HECW2: variants seen among roughly 807,000 people sequenced by gnomAD.
HECW2 encodes E3 ubiquitin-protein ligase HECW2.
HECW2 carries 61 observed loss-of-function variants against 175.2 expected under a neutral mutation model. The ratio of observed to expected loss-of-function variants is 0.35; its 90% CI spans 0.28 to 0.43. HECW2 has a LOEUF of 0.43. Ranked by LOEUF, HECW2 falls within the 20% of genes least tolerant of loss-of-function variation. The pLI, the probability that HECW2 is intolerant of heterozygous loss-of-function variation, is 1.00. For missense variants in HECW2, 1,524 were observed against 2,000.5 expected, an observed-to-expected ratio of 0.76 and a Z score of 4.54; for synonymous variants, 671 against 731.0, an observed-to-expected ratio of 0.92 and a Z score of 1.32.
At chr2:196,401,979 T>A (rs1210283485) in intron 2 of HECW2, among the ~76,000 whole-genome samples, 1 of 151,740 alleles carries the variant, frequency 6.6e-6, no homozygotes, top group East Asian at 1.9e-4. Context: ...GGCGGGCGGA[T>A]CACAAGGTCA....
chr2:196,225,184 T>C (rs144031406), intron 23 of HECW2, among the ~76,000 whole-genome samples: 1 of 152,334 alleles, frequency 6.6e-6, no homozygotes, highest in Non-Finnish European at 1.5e-5. Flanking sequence ...CAATCTTTCA[T>C]TAACAATGAA....
intron 2 of HECW2, among the ~76,000 whole-genome samples, chr2:196,351,277 C>T (rs1693162353): frequency 1.3e-5 from 2 of 151,794 alleles, no homozygotes; most frequent in Non-Finnish European, 1.5e-5. Flanking sequence ...TAATATTCCA[C>T]ACACAGAGAT....
At chr2:196,272,577 T>A (rs1457970994) in intron 16 of HECW2, among the ~76,000 whole-genome samples, 1 of 152,162 alleles carries the variant, frequency 6.6e-6, no homozygotes, top group East Asian at 1.9e-4. Flanking sequence ...AGAAGTATAA[T>A]AATTCTGTAG....
chr2:196,425,362 G>C (rs1448347900), intron 2 of HECW2, among the ~76,000 whole-genome samples: 1 of 152,028 alleles, frequency 6.6e-6, no homozygotes, highest in Non-Finnish European at 1.5e-5. Context: ...TGAATTTCAA[G>C]TCTTATTATT....
intron 10 of HECW2, among the ~76,000 whole-genome samples, chr2:196,309,365 ATGC>A (rs1300889105): frequency 6.6e-6 from 1 of 152,210 alleles, no homozygotes; most frequent in East Asian, 1.9e-4. Context: ...AAACAACTCA[ATGC>A]CATTCATGTT....
chr2:196,264,963 T>C (rs1689451425), intron 17 of HECW2, among the ~76,000 whole-genome samples: 3 of 152,206 alleles, frequency 2.0e-5, no homozygotes, highest in Admixed American at 2.0e-4. Flanking sequence ...TATTTTAATA[T>C]ACCTTTGGAT....
chr2:196,379,727 GAC>G (rs1694156239), intron 2 of HECW2, among the ~76,000 whole-genome samples: 3 of 150,232 alleles, frequency 2.0e-5, no homozygotes, highest in Middle Eastern at 3.5e-3. Context: ...GCACCTTAAG[GAC>G]TTTCCTAAAT....
chr2:196,434,323 C>T (rs1438034823), intron 1 of HECW2, among the ~76,000 whole-genome samples: 2 of 152,086 alleles, frequency 1.3e-5, no homozygotes, highest in Non-Finnish European at 2.9e-5. Flanking sequence ...CTGAGCCTGC[C>T]CCTTGCCATC....
chr2:196,233,949 C>G (rs570062886), intron 21 of HECW2, among the ~76,000 whole-genome samples: 1 of 152,126 alleles, frequency 6.6e-6, no homozygotes, highest in Non-Finnish European at 1.5e-5. Context: ...CTTTCATTTG[C>G]CTGTCTCAGG....
At chr2:196,422,731 T>A (rs1424905110) in intron 2 of HECW2, among the ~76,000 whole-genome samples, 1 of 152,178 alleles carries the variant, frequency 6.6e-6, no homozygotes, top group African/African-American at 2.4e-5. Flanking sequence ...AAGCTCTTAC[T>A]TTCTAAGAGC....
At chr2:196,435,709 C>A (rs1424176162) in intron 1 of HECW2, among the ~76,000 whole-genome samples, 1 of 152,214 alleles carries the variant, frequency 6.6e-6, no homozygotes, top group African/African-American at 2.4e-5. Context: ...TCGGTTATAT[C>A]TTTACTTTCT....
intron 10 of HECW2, among the ~76,000 whole-genome samples, chr2:196,310,147 T>A (rs1344900347): frequency 6.6e-6 from 1 of 152,234 alleles, no homozygotes; most frequent in Non-Finnish European, 1.5e-5. Context: ...ATGATTCTTG[T>A]ATTCATCTTC....
At chr2:196,549,592 C>T (rs1033001664) in intron 1 of HECW2, among the ~76,000 whole-genome samples, 43 of 145,368 alleles carry the variant, frequency 3.0e-4, no homozygotes, top group African/African-American at 1.1e-3. Flanking sequence ...GCCAGTCTTG[C>T]TCTTTTTTTT....
Position 196,491,381 on chromosome 2 carries a change from C to T in HECW2, c.-35-57923G>A, listed in dbSNP as rs867313004. On this transcript the variant is annotated intron_variant, in intron 1 of 28. Transcript: ENST00000644978. ...AATCATATATATATACACACACACA[C>T]ACACACACACACACACACACACACA... is the stretch of plus-strand genomic sequence containing the variant. 7.1e-4 allele frequency among the ~76,000 whole-genome samples: 106 copies of T among 149,990 alleles called. 3 individuals carry two copies. The South Asian group carries it at 0.021, about 30-fold the overall frequency.
intron 14 of HECW2, among the ~76,000 whole-genome samples, chr2:196,283,665 G>C (rs545417013): frequency 6.6e-5 from 10 of 152,184 alleles, no homozygotes; most frequent in Non-Finnish European, 1.0e-4. Flanking sequence ...ACAGGCGTAA[G>C]CCACCATGCC....
chr2:196,527,681 C>T (rs1310436579), intron 1 of HECW2, among the ~76,000 whole-genome samples: 1 of 152,138 alleles, frequency 6.6e-6, no homozygotes, highest in East Asian at 1.9e-4. Context: ...ATATACAAAA[C>T]AGAATACTAT....
chr2:196,279,490 T>C (rs1011342560), intron 14 of HECW2, among the ~76,000 whole-genome samples: 5 of 152,196 alleles, frequency 3.3e-5, no homozygotes, highest in African/African-American at 1.2e-4. Flanking sequence ...TGGGACTTTA[T>C]TTTATGTGTG....
intron 1 of HECW2, among the ~76,000 whole-genome samples, chr2:196,518,673 A>G (rs1038936284): frequency 2.1e-5 from 3 of 140,916 alleles, no homozygotes; most frequent in African/African-American, 3.0e-5. Flanking sequence ...AAAAAAAAAA[A>G]AAAAACCCTT....
chr2:196,400,431 C>T (rs1321040559), intron 2 of HECW2, among the ~76,000 whole-genome samples: 1 of 152,138 alleles, frequency 6.6e-6, no homozygotes, highest in East Asian at 1.9e-4. Context: ...AAAAGATAAG[C>T]TTAGGTATTG....
Sources: allele counts gnomAD v4.1 joint callset (sites outside exome capture counted in the v4.1 genomes callset), GRCh38; gene constraint gnomAD v4.1.1; transcripts MANE v1.5; gene names NCBI Gene and HGNC (gene_info 2026-07-23, HGNC 2026-07-21).